The following PLA2G6 variants were observed in gnomAD, a reference collection of about 807,000 sequenced individuals.
PLA2G6 encodes phospholipase A2 group VI.
PLA2G6 carries 62 observed loss-of-function variants against 83.8 expected under a neutral mutation model. The ratio of observed to expected loss-of-function variants is 0.74; its 90% CI spans 0.60 to 0.91. The LOEUF (loss-of-function observed/expected upper bound fraction) is 0.91, where lower values mean the gene tolerates loss of function less well. Among genes scored for constraint, PLA2G6 ranks in the 40% least tolerant of loss-of-function variants. PLA2G6 has a pLI of 0.00. For missense variants in PLA2G6, 944 were observed against 1,102.0 expected (o/e 0.86, Z 2.03); for synonymous variants, 417 against 449.8 (o/e 0.93, Z 0.92).
intron 2 of PLA2G6, chr22:38,150,083 CA>C (rs1464239936): frequency 2.9e-5 from 4 of 138,130 alleles, no homozygotes; most frequent in African/African-American, 1.1e-4. Context: ...TAGAAAAAAA[CA>C]AAAAACAAGA....
rs993175219 is a variant in PLA2G6, at chr22:38,132,626, G to A, written c.1077+205C>T. ...GTGGAAAAGGTACCACAGCACACAG[G>A]AGGTGGTGTTATTTTGGGCTGAGAG... On this transcript the variant is annotated intron_variant, in intron 7 of 16. Transcript: ENST00000332509. This position sits in a 1 kb window ranked among gnomAD's most constrained non-coding sequence, Gnocchi z 5.0. The A allele has an allele frequency of 3.2e-5, 19 of 598,860 alleles. No homozygotes were observed. The South Asian group carries it at 3.6e-4, about 11-fold the overall frequency. The allele number at this position is 598,860 out of a possible 1,614,324, so 37.1% of individuals were successfully genotyped here. A position where few individuals can be genotyped will look rare whatever the true frequency, so the allele number is the denominator to read the frequency against.
At chr22:38,165,622 C>G (rs536008704) in intron 2 of PLA2G6, among the ~76,000 whole-genome samples, 122 of 152,228 alleles carry the variant, frequency 8.0e-4, no homozygotes, top group Admixed American at 2.8e-3. Flanking sequence ...TCCTGTAATC[C>G]CAGCACTTTG....
In PLA2G6 at chr22:38,169,199, C is replaced by T. The variant is rs984639780; in HGVS notation, c.209+19G>A. The T allele has an allele frequency of 1.9e-6, 3 of 1,584,212 alleles. No homozygotes were observed. Among genetic ancestry groups the T allele is most frequent in the Non-Finnish European group, 2.6e-6 (3 of 1,153,752 alleles). The stretch of plus-strand genomic sequence containing the variant: ...GGGAGTGAAAGGAGAGAAGTATGTT[C>T]CCGCTGAGCATCACCCACCGGAATC... On this transcript the variant is annotated intron_variant, in intron 2 of 16. Coordinates refer to ENST00000332509, the MANE Select transcript of PLA2G6 (RefSeq NM_003560.4).
chr22:38,133,335 C>A, intron 6 of PLA2G6: 1 of 434,074 alleles, frequency 2.3e-6, no homozygotes, highest in Non-Finnish European at 4.3e-6. Flanking sequence ...ACCCCGCTCC[C>A]TGCATCCCTC....
intron 3 of PLA2G6, chr22:38,144,696 T>A (rs1305579733): frequency 6.9e-6 from 1 of 144,182 alleles, no homozygotes; most frequent in East Asian, 2.0e-4. Context: ...TAATCCCAGC[T>A]ATTCCGGAGG....
chr22:38,151,000 T>A, intron 2 of PLA2G6, among the ~76,000 whole-genome samples: 1 of 152,050 alleles, frequency 6.6e-6, no homozygotes, highest in Non-Finnish European at 1.5e-5. Flanking sequence ...GGGAGGAGAA[T>A]CGCTTGAACC....
intron 9 of PLA2G6, among the ~76,000 whole-genome samples, chr22:38,127,902 G>A (rs2087966274): frequency 6.6e-6 from 1 of 152,210 alleles, no homozygotes; most frequent in African/African-American, 2.4e-5. Flanking sequence ...AGGGACAGGT[G>A]AAGCCAGAGG....
At chr22:38,162,113 C>A (rs555844416) in intron 2 of PLA2G6, among the ~76,000 whole-genome samples, 90 of 147,144 alleles carry the variant, frequency 6.1e-4, no homozygotes, top group African/African-American at 2.2e-3. Flanking sequence ...GAGGCTGAGG[C>A]AGAGAGAACT....
At chr22:38,149,880 A>C (rs1040264488) in intron 2 of PLA2G6, 1 of 152,190 alleles carries the variant, frequency 6.6e-6, no homozygotes, top group Non-Finnish European at 1.5e-5. Context: ...GGTTGCAGTG[A>C]GCCGAGATCA....
At chr22:38,165,944 G>A (rs1032426100) in intron 2 of PLA2G6, among the ~76,000 whole-genome samples, 1 of 152,152 alleles carries the variant, frequency 6.6e-6, no homozygotes, top group Admixed American at 6.6e-5. Context: ...AAGCAGGGGA[G>A]TGACCAATCA....
intron 4 of PLA2G6, chr22:38,142,194 C>CAAAAAAAA (rs34164997): frequency 2.2e-5 from 1 of 45,552 alleles, no homozygotes; most frequent in Non-Finnish European, 4.1e-5. Context: ...AACTCTGTCT[C>CAAAAAAAA]AAAAAAAAAA....
intron 5 of PLA2G6, chr22:38,139,448 T>TTTATTTAA (rs768081346): frequency 1.3e-5 from 2 of 151,700 alleles, no homozygotes; most frequent in African/African-American, 4.8e-5. Context: ...TATTTATTTA[T>TTTATTTAA]TTTTTGAGAC....
chr22:38,124,134 C>CTTAT (rs11570725), intron 10 of PLA2G6, among the ~76,000 whole-genome samples: 34 of 152,086 alleles, frequency 2.2e-4, no homozygotes, highest in South Asian at 1.0e-3. Flanking sequence ...CGTGCCCAGC[C>CTTAT]TTATTTATTT....
intron 1 of PLA2G6, among the ~76,000 whole-genome samples, chr22:38,177,950 G>A (rs959924570): frequency 2.0e-5 from 3 of 152,118 alleles, no homozygotes; most frequent in Admixed American, 6.5e-5. Context: ...GTGGCTGAGC[G>A]AGGCTTGCTC....
In PLA2G6 at chr22:38,128,967, G is replaced by C. The variant is rs956998022; in HGVS notation, c.1186+487C>G. On this transcript the variant is annotated intron_variant, in intron 8 of 16. Coordinates refer to ENST00000332509, the MANE Select transcript of PLA2G6 (RefSeq NM_003560.4). This position sits in a 1 kb window ranked among gnomAD's most constrained non-coding sequence, Gnocchi z 4.4. The stretch of plus-strand genomic sequence containing the variant: ...CTGAAACCCTCCAGAGCGGGCTCCA[G>C]GCCTCTGGTGAGGAGGATCTGCTCT... 2.0e-5 allele frequency among the ~76,000 whole-genome samples: 3 copies of C among 152,274 alleles called. No individual in the cohort carries two copies. The highest frequency in any genetic ancestry group is 4.4e-5 in the Non-Finnish European group (3 of 68,052).
At position 38,116,150 on chromosome 22, in the gene PLA2G6, A is replaced by T. The variant is rs1373337922; in HGVS notation, c.1804T>A (p.Tyr602Asn). The change falls in exon 13 of 17, where the codon TAC (tyrosine) becomes AAC (asparagine). Residue 602 changes from tyrosine to asparagine, a missense_variant. By Grantham distance (143) the Tyr-to-Asn change is moderately radical. Coordinates refer to ENST00000332509, the MANE Select transcript of PLA2G6 (RefSeq NM_003560.4). ...QPAELHLFRN[Y>N]DAPETVREPR... ...TCCCGGACAGTTTCTGGAGCATCGT[A>T]GTTCCGGAAGAGGTGGAGTTCAGCC... is the stretch of plus-strand genomic sequence containing the variant. 6.2e-7 allele frequency: 1 copy of T among 1,613,522 alleles called. No individual in the cohort carries two copies. The highest frequency in any genetic ancestry group is 8.5e-7 in the Non-Finnish European group (1 of 1,179,642).
At chr22:38,141,537 A>G (rs1284517444) in intron 4 of PLA2G6, 1 of 152,220 alleles carries the variant, frequency 6.6e-6, no homozygotes, top group African/African-American at 2.4e-5. Flanking sequence ...ATCGAGGCCA[A>G]TGTAAGGTCA....
intron 5 of PLA2G6, chr22:38,136,471 C>T (rs1286608285): frequency 6.6e-6 from 1 of 152,126 alleles, no homozygotes; most frequent in Non-Finnish European, 1.5e-5. Flanking sequence ...TGCCTGTAAT[C>T]CCAGCTACTA....
At chr22:38,147,291 T>C (rs1462569759) in intron 2 of PLA2G6, 1 of 162,734 alleles carries the variant, frequency 6.1e-6, no homozygotes, top group Non-Finnish European at 1.5e-5. Context: ...ATGTCAGTGA[T>C]GGTTACTTAA....
Sources: allele counts gnomAD v4.1 joint callset (sites outside exome capture counted in the v4.1 genomes callset), GRCh38; gene constraint gnomAD v4.1.1; non-coding constraint Gnocchi (gnomAD v3.1); transcripts MANE v1.5; gene names NCBI Gene and HGNC (gene_info 2026-07-23, HGNC 2026-07-21).